The following PDE6D variants were observed in gnomAD, a reference collection of about 807,000 sequenced individuals.
PDE6D encodes phosphodiesterase 6D.
PDE6D carries 10 observed loss-of-function variants against 21.9 expected under a neutral mutation model. That is an observed-to-expected ratio of 0.46 (90% CI 0.28 to 0.78). The LOEUF (loss-of-function observed/expected upper bound fraction) is 0.78. Ranked by LOEUF, PDE6D falls within the 30% of genes least tolerant of loss-of-function variation. PDE6D has a pLI of 0.12. For missense variants in PDE6D, 139 were observed against 184.8 expected, an observed-to-expected ratio of 0.75 and a Z score of 1.44; for synonymous variants, 59 against 63.5, an observed-to-expected ratio of 0.93 and a Z score of 0.34.
intron 1 of PDE6D, among the ~76,000 whole-genome samples, chr2:231,754,763 G>A (rs1456318296): frequency 2.0e-5 from 3 of 151,582 alleles, no homozygotes; most frequent in Admixed American, 1.3e-4. Flanking sequence ...ATTGTGTGAT[G>A]AGACTAAGAG....
intron 1 of PDE6D, among the ~76,000 whole-genome samples, chr2:231,770,727 T>C (rs2049008395): frequency 1.3e-5 from 2 of 151,962 alleles, no homozygotes; most frequent in Non-Finnish European, 2.9e-5. Context: ...CTGAGGTGAA[T>C]GGATCACCTG....
intron 1 of PDE6D, chr2:231,778,727 T>A (rs2049076507): frequency 6.6e-6 from 1 of 152,250 alleles, no homozygotes; most frequent in Admixed American, 6.5e-5. Context: ...ATGCAGGCAG[T>A]ATAGAGACAT....
In PDE6D at chr2:231,781,057, A is replaced by T; in HGVS notation, c.50+8T>A. ...CCTCCCGGCCCCGCCCCGCTCCCGG[A>T]CGGATACAGTTTGAAGCCCCTCAGG... On this transcript the variant is annotated splice_region_variant and intron_variant, in intron 1 of 4. Coordinates refer to ENST00000287600, the MANE Select transcript of PDE6D (RefSeq NM_002601.4). The T allele has an allele frequency of 6.2e-7, 1 of 1,611,968 alleles. No individual in the cohort carries two copies. Among genetic ancestry groups the T allele is most frequent in the Non-Finnish European group, 8.5e-7 (1 of 1,178,704 alleles).
intron 1 of PDE6D, among the ~76,000 whole-genome samples, chr2:231,766,309 AAC>A (rs1473793137): frequency 5.9e-5 from 9 of 152,252 alleles, no homozygotes; most frequent in African/African-American, 1.9e-4. Flanking sequence ...TTTGAAACAT[AAC>A]ACAGTCTTCT....
intron 1 of PDE6D, among the ~76,000 whole-genome samples, chr2:231,771,494 A>G (rs1012390843): frequency 1.3e-5 from 2 of 152,218 alleles, no homozygotes; most frequent in African/African-American, 4.8e-5. Context: ...TAATGCAGTA[A>G]TATATCAAAG....
chr2:231,732,791 T>C lies in PDE6D; in HGVS notation c.*161A>G, dbSNP rs1426213012. ...GGCTTGGGAAAAAGAGCCATCTGGT[T>C]ACCTACACAGAGCTGGTCCCCTGGT... is the stretch of plus-strand genomic sequence containing the variant. On this transcript the variant is annotated 3_prime_UTR_variant, in exon 5 of 5. Coordinates refer to ENST00000287600, the MANE Select transcript of PDE6D (RefSeq NM_002601.4). The C allele has an allele frequency of 3.3e-6, 2 of 606,350 alleles. No individual in the cohort carries two copies. Among genetic ancestry groups the C allele is most frequent in the Non-Finnish European group, 3.0e-6 (1 of 337,826 alleles). 37.6% of individuals were successfully genotyped at this position (606,350 alleles called of 1,614,324 possible). A position where few individuals can be genotyped will look rare whatever the true frequency, so the allele number is the denominator to read the frequency against.
chr2:231,780,197 T>C (rs2049095789), intron 1 of PDE6D, among the ~76,000 whole-genome samples: 1 of 152,146 alleles, frequency 6.6e-6, no homozygotes, highest in Admixed American at 6.5e-5. Flanking sequence ...GAGGCAATGA[T>C]TTCTCTACCC....
At chr2:231,749,789 C>A (rs2048823684) in intron 1 of PDE6D, among the ~76,000 whole-genome samples, 1 of 152,116 alleles carries the variant, frequency 6.6e-6, no homozygotes, top group South Asian at 2.1e-4. Flanking sequence ...CTGCCTTGGC[C>A]TCTCAAAGTG....
chr2:231,762,902 C>T (rs1315199519), intron 1 of PDE6D, among the ~76,000 whole-genome samples: 1 of 151,580 alleles, frequency 6.6e-6, no homozygotes, highest in African/African-American at 2.4e-5. Flanking sequence ...AGTTCAAGAC[C>T]AGACTGGGCA....
chr2:231,756,895 A>G (rs1278163313), intron 1 of PDE6D, among the ~76,000 whole-genome samples: 1 of 151,552 alleles, frequency 6.6e-6, no homozygotes, highest in Non-Finnish European at 1.5e-5. Flanking sequence ...AAAAAAAAAG[A>G]TAGTATTCAA....
chr2:231,781,030 G>A (rs2049117514), intron 1 of PDE6D, 35 bp downstream of exon 1: 1 of 1,593,926 alleles, frequency 6.3e-7, no homozygotes, highest in Non-Finnish European at 8.6e-7. Context: ...CGCCTCCCAA[G>A]TCCTCCCGGC....
chr2:231,746,018 G>C (rs1437606801), intron 1 of PDE6D, among the ~76,000 whole-genome samples: 2 of 152,198 alleles, frequency 1.3e-5, no homozygotes, highest in African/African-American at 4.8e-5. Flanking sequence ...AACCAAGCTT[G>C]TCCAACCCAT....
At chr2:231,737,795 C>G (rs115888470) in intron 3 of PDE6D, 1 of 491,030 alleles carries the variant, frequency 2.0e-6, no homozygotes, top group Non-Finnish European at 3.6e-6. Context: ...CCACCATCCA[C>G]GCTCCCAGTG....
At chr2:231,765,476 T>C (rs2048962352) in intron 1 of PDE6D, among the ~76,000 whole-genome samples, 1 of 152,216 alleles carries the variant, frequency 6.6e-6, no homozygotes. Context: ...AATTCATGAC[T>C]TGACAGAGTA....
At position 231,772,194 on chromosome 2, in the gene PDE6D, T is replaced by C. The variant is rs1182057467; in HGVS notation, c.50+8871A>G. ...TATCTCTTGTCCAACTCTTTTCATC[T>C]TTAGGTTAAACTCCCTTCAGTTCCC... On this transcript the variant is annotated intron_variant, in intron 1 of 4. Transcript: ENST00000287600. Among the ~76,000 whole-genome samples, 3 of 152,272 alleles carry C rather than the reference T, an allele frequency of 2.0e-5. No individual in the cohort carries two copies. The East Asian group carries it at 5.8e-4, about 29-fold the overall frequency.
In PDE6D at chr2:231,764,590, T is replaced by C. The variant is rs1253281101; in HGVS notation, c.50+16475A>G. 3.3e-5 allele frequency among the ~76,000 whole-genome samples: 5 copies of C among 152,316 alleles called. No individual in the cohort carries two copies. The South Asian group carries it at 8.3e-4, about 25-fold the overall frequency. ...TCAACAGGCAACCAGGAGGCCAGCA[T>C]GTGTAACAAATTGCTATATGCCTCA... On this transcript the variant is annotated intron_variant, in intron 1 of 4. Coordinates refer to ENST00000287600, the MANE Select transcript of PDE6D (RefSeq NM_002601.4).
intron 1 of PDE6D, among the ~76,000 whole-genome samples, chr2:231,777,229 T>C (rs1407740836): frequency 6.6e-6 from 1 of 152,244 alleles, no homozygotes; most frequent in African/African-American, 2.4e-5. Context: ...TAAAATCTTA[T>C]AAGATTTTGT....
chr2:231,760,923 T>C (rs796574048), intron 1 of PDE6D, among the ~76,000 whole-genome samples: 16 of 152,302 alleles, frequency 1.1e-4, no homozygotes, highest in Middle Eastern at 6.8e-3. Context: ...CATCAGTCTA[T>C]ATAAAGGTGA....
chr2:231,743,445 A>G (rs915021522), intron 1 of PDE6D, among the ~76,000 whole-genome samples: 10 of 151,996 alleles, frequency 6.6e-5, no homozygotes, highest in Non-Finnish European at 7.4e-5. Context: ...AAAAAAAAAA[A>G]AAAAGAAAAG....
Sources: gnomAD v4.1 joint callset for allele counts (sites outside exome capture counted in the v4.1 genomes callset) on GRCh38, gnomAD v4.1.1 for gene constraint, MANE v1.5 for transcripts, NCBI Gene and HGNC (gene_info 2026-07-23, HGNC 2026-07-21) for gene names.